Variants in RPN2 observed in about 807,000 individuals in gnomAD.
RPN2 encodes the protein dolichyl-diphosphooligosaccharide--protein glycosyltransferase subunit 2.
A neutral mutation model predicts 71.4 loss-of-function variants in RPN2; 29 were observed. The ratio of observed to expected loss-of-function variants is 0.41; its 90% confidence interval spans 0.30 to 0.55. The LOEUF (loss-of-function observed/expected upper bound fraction) is 0.55, where lower values mean the gene tolerates loss of function less well. RPN2 is among the 20% of genes least tolerant of loss of function. RPN2 has a pLI of 0.35. For missense variants in RPN2, 726 were observed against 774.1 expected (o/e 0.94, Z 0.74); for synonymous variants, 308 against 305.0 (o/e 1.01, Z -0.10).
chr20:37,210,977 T>C (rs1284514986), intron 8 of RPN2, among the ~76,000 whole-genome samples: 1 of 152,022 alleles, frequency 6.6e-6, no homozygotes, highest in Non-Finnish European at 1.5e-5. Flanking sequence ...TGCTTGAGCC[T>C]AGGAGTTTGA....
intron 2 of RPN2, among the ~76,000 whole-genome samples, chr20:37,189,614 C>G (rs1277608038): frequency 6.6e-6 from 1 of 152,194 alleles, no homozygotes; most frequent in African/African-American, 2.4e-5. Flanking sequence ...TGATTACACT[C>G]TTATAAACCC....
intron 2 of RPN2, among the ~76,000 whole-genome samples, chr20:37,193,936 C>T (rs559312882): frequency 1.3e-5 from 2 of 152,080 alleles, no homozygotes. Context: ...AGAGCCAGGC[C>T]TAGGAGCTGA....
intron 4 of RPN2, among the ~76,000 whole-genome samples, chr20:37,200,749 G>C (rs1370075008): frequency 6.6e-6 from 1 of 152,090 alleles, no homozygotes; most frequent in Non-Finnish European, 1.5e-5. Flanking sequence ...TTGGGCCTTT[G>C]ATTTCAGGTG....
chr20:37,240,431 T>G (rs2068521326), intron 16 of RPN2, among the ~76,000 whole-genome samples: 1 of 152,206 alleles, frequency 6.6e-6, no homozygotes, highest in African/African-American at 2.4e-5. Context: ...GTGCATGTCT[T>G]TTGGAACTGC....
Position 37,228,687 on chromosome 20 carries a change from C to T in RPN2, c.1437C>T (p.Tyr479=), listed in dbSNP as rs754292390. The change falls in exon 12 of 17, where the codon TAC becomes TAT. Residue 479 remains tyrosine (Y), a synonymous_variant. Transcript: ENST00000237530. The part of the protein sequence containing the change: ...KIEFDSASGT[Y]TLYLIIGDAT... ...AATTTGACTCTGCCTCTGGCACCTA[C>T]ACTCTCTACTTAATCATTGGAGATG... The T allele has an allele frequency of 1.2e-6, 2 of 1,614,242 alleles. No homozygotes were observed. The highest frequency in any genetic ancestry group is 1.1e-5 in the South Asian group (1 of 91,092).
chr20:37,199,484 A>ACC (rs2146566108), intron 4 of RPN2, among the ~76,000 whole-genome samples: 1 of 152,362 alleles, frequency 6.6e-6, no homozygotes, highest in East Asian at 1.9e-4. Flanking sequence ...GCATGAGCAC[A>ACC]CCACCACCTA....
At chr20:37,237,839 C>T (rs2068442102) in intron 16 of RPN2, among the ~76,000 whole-genome samples, 1 of 152,142 alleles carries the variant, frequency 6.6e-6, no homozygotes, top group African/African-American at 2.4e-5. Context: ...CCTGGGCCCC[C>T]AGGGAGCCAA....
At chr20:37,184,076 C>G in intron 1 of RPN2, 104 bp from the exon 2 acceptor site, 1 of 1,374,226 alleles carries the variant, frequency 7.3e-7, no homozygotes, top group Non-Finnish European at 1.0e-6. Flanking sequence ...CCTCGCCCTT[C>G]CCCATGTGAT....
At chr20:37,218,149 C>G (rs188607393) in intron 9 of RPN2, among the ~76,000 whole-genome samples, 44 of 152,278 alleles carry the variant, frequency 2.9e-4, no homozygotes, top group African/African-American at 9.9e-4. Context: ...TGAGCCACCA[C>G]GCTTGTAATC....
At position 37,207,144 on chromosome 20, in the gene RPN2, T is replaced by G. The variant is rs1303453709; in HGVS notation, c.691-129T>G. 3 of 737,732 alleles carry G rather than the reference T, an allele frequency of 4.1e-6. No homozygotes were observed. In the Admixed American group the frequency reaches 5.9e-5, roughly 14 times the overall value. The allele number at this position is 737,732 out of a possible 1,614,324, so 45.7% of individuals were successfully genotyped here. A position where few individuals can be genotyped will look rare whatever the true frequency, so the allele number is the denominator to read the frequency against. ...TTTGCGTTTTCTCCATCTACGAATT[T>G]GGATCATTGACCAAAAGACCTCCCA... On this transcript the variant is annotated intron_variant, in intron 6 of 16. Coordinates refer to ENST00000237530, the MANE Select transcript of RPN2 (RefSeq NM_002951.5).
At chr20:37,190,299 G>T (rs2067112973) in intron 2 of RPN2, among the ~76,000 whole-genome samples, 1 of 152,182 alleles carries the variant, frequency 6.6e-6, no homozygotes, top group Non-Finnish European at 1.5e-5. Context: ...TAGATTGAGA[G>T]GCATCCGGCC....
Position 37,217,722 on chromosome 20 carries a change from C to CT in RPN2, c.1092+3867dup, listed in dbSNP as rs199661722. Among the ~76,000 whole-genome samples the CT allele has an allele frequency of 2.3e-3, 344 of 147,078 alleles. 2 individuals carry two copies. Among genetic ancestry groups the CT allele is most frequent in the Admixed American group, 7.1e-3 (103 of 14,462 alleles). On this transcript the variant is annotated intron_variant, in intron 9 of 16. Transcript: ENST00000237530. ...CTGGCAATTCATCTTCCAGACTTAG[C>CT]TTTTTTTTTTCTTTTTTCTTTTTTT... is the stretch of plus-strand genomic sequence containing the variant.
intron 2 of RPN2, among the ~76,000 whole-genome samples, chr20:37,196,597 C>T (rs2067262393): frequency 6.6e-6 from 1 of 152,118 alleles, no homozygotes; most frequent in African/African-American, 2.4e-5. Context: ...GGTGTAATCA[C>T]AGCTCACTGC....
intron 14 of RPN2, among the ~76,000 whole-genome samples, chr20:37,233,273 T>A (rs4810453): frequency 0.74 from 112,505 of 152,048 alleles, 42,073 homozygotes; most frequent in Middle Eastern, 0.85. Flanking sequence ...CTCTGAGGAG[T>A]GGACATTCTG....
chr20:37,219,466 TTC>T (rs1438186381), intron 9 of RPN2, among the ~76,000 whole-genome samples: 1 of 152,184 alleles, frequency 6.6e-6, no homozygotes, highest in Non-Finnish European at 1.5e-5. Flanking sequence ...TGGTTAGAGG[TTC>T]CTTATTAAAT....
At chr20:37,226,358 C>T (rs1287992303) in intron 11 of RPN2, among the ~76,000 whole-genome samples, 2 of 152,140 alleles carry the variant, frequency 1.3e-5, no homozygotes, top group African/African-American at 4.8e-5. Flanking sequence ...AAGCATGGCA[C>T]TAGACTCGAG....
In RPN2 at chr20:37,179,388, C is replaced by CTTATAGACAGGGCCCCGCGGCCGGCACTT. The variant is rs768133019; in HGVS notation, c.13+21_13+22insATAGACAGGGCCCCGCGGCCGGCACTTTT. 6.8e-6 allele frequency: 9 copies of CTTATAGACAGGGCCCCGCGGCCGGCACTT among 1,325,888 alleles called. No homozygotes were observed. In the African/African-American group the frequency reaches 3.0e-4, roughly 44 times the overall value. The allele number at this position is 1,325,888 out of a possible 1,614,324, so 82.1% of individuals were successfully genotyped here. The stretch of plus-strand genomic sequence containing the variant: ...CCGCCGGGTGAGGAGTTGCGCGTGG[C>CTTATAGACAGGGCCCCGCGGCCGGCACTT]TTTGGGGAGAGGGCTGTCGCCCGCG... On this transcript the variant is annotated intron_variant, in intron 1 of 16. Coordinates refer to ENST00000237530, the MANE Select transcript of RPN2 (RefSeq NM_002951.5).
intron 9 of RPN2, among the ~76,000 whole-genome samples, chr20:37,214,208 C>T (rs1326461586): frequency 1.3e-5 from 2 of 152,132 alleles, no homozygotes; most frequent in East Asian, 3.8e-4. Flanking sequence ...GTGTGATAGG[C>T]TTTGGTGGGT....
At chr20:37,226,851 A>G (rs2068090041) in intron 11 of RPN2, among the ~76,000 whole-genome samples, 1 of 152,202 alleles carries the variant, frequency 6.6e-6, no homozygotes, top group Admixed American at 6.5e-5. Context: ...TGTTACGTGA[A>G]GGAAGATTCA....
Sources: gnomAD v4.1 joint callset for allele counts (sites outside exome capture counted in the v4.1 genomes callset) on GRCh38, gnomAD v4.1.1 for gene constraint, MANE v1.5 for transcripts, NCBI Gene and HGNC (gene_info 2026-07-23, HGNC 2026-07-21) for gene names.